RBM6: variants seen among roughly 807,000 people sequenced by gnomAD.
RBM6 encodes the protein RNA binding motif protein 6.
In RBM6, 23 loss-of-function variants were observed where a neutral mutation model predicts 140.4. The ratio of observed to expected loss-of-function variants is 0.16; its 90% confidence interval spans 0.12 to 0.23. RBM6 has a LOEUF of 0.23. Among genes scored for constraint, RBM6 ranks in the 10% least tolerant of loss-of-function variants. The pLI, the probability that RBM6 is intolerant of heterozygous loss-of-function variation, is 1.00. For missense variants in RBM6, 1,139 were observed against 1,386.7 expected (o/e 0.82, Z 2.84); for synonymous variants, 439 against 475.6 (o/e 0.92, Z 1.00).
chr3:50,057,587 CAAAAAAAAA>C (rs4030422), intron 8 of RBM6, 132 bp from the exon 9 acceptor site: 20 of 219,196 alleles, frequency 9.1e-5, no homozygotes, highest in African/African-American at 7.4e-4. Context: ...AACTCCGTCT[CAAAAAAAAA>C]AAAAAAAAAA....
intron 3 of RBM6, among the ~76,000 whole-genome samples, chr3:49,970,968 A>G (rs2084762472): frequency 6.6e-6 from 1 of 152,012 alleles, no homozygotes; most frequent in Non-Finnish European, 1.5e-5. Context: ...CATCTCTACT[A>G]AAAATAACAA....
chr3:50,020,178 G>T (rs1289776878), intron 6 of RBM6, among the ~76,000 whole-genome samples: 1 of 152,040 alleles, frequency 6.6e-6, no homozygotes, highest in African/African-American at 2.4e-5. Flanking sequence ...CTTCACCTTG[G>T]CCTCCCAATT....
intron 1 of RBM6, among the ~76,000 whole-genome samples, chr3:49,947,395 A>G (rs1038008750): frequency 1.3e-5 from 2 of 151,676 alleles, no homozygotes; most frequent in African/African-American, 4.8e-5. Flanking sequence ...GCACCACTGG[A>G]CTCTACCCTG....
intron 6 of RBM6, among the ~76,000 whole-genome samples, chr3:50,029,736 A>AAAT (rs1205053881): frequency 3.9e-5 from 6 of 152,194 alleles, no homozygotes; most frequent in East Asian, 1.9e-4. Flanking sequence ...CTGTCTCAAA[A>AAAT]AATAATAATA....
chr3:50,064,859 A>C (rs1021718139), intron 15 of RBM6, among the ~76,000 whole-genome samples, 172 bp from the exon 16 acceptor site: 7 of 152,138 alleles, frequency 4.6e-5, no homozygotes, highest in Non-Finnish European at 7.4e-5. Context: ...TTTTTAGTAG[A>C]GATGGAGTTT....
At position 49,968,113 on chromosome 3, in the gene RBM6, G is replaced by A. The variant is rs761460275; in HGVS notation, c.688G>A (p.Gly230Arg). 1.4e-5 allele frequency: 22 copies of A among 1,614,132 alleles called. No individual in the cohort carries two copies. The highest frequency in any genetic ancestry group is 1.8e-5 in the Non-Finnish European group (21 of 1,180,030). The stretch of plus-strand genomic sequence containing the variant: ...TGATTTGGACTTTAGAGACAAAGAC[G>A]GAACACAAGTAGACTTTAGAGGCCG... ...VSDLDFRDKD[G>R]TQVDFRGRGS... Residue 230 changes from glycine (G) to arginine (R), a missense_variant, in exon 3 of 21, where the codon GGA becomes AGA. By Grantham distance (125) the Gly-to-Arg change is moderately radical. Transcript: ENST00000266022.
intron 3 of RBM6, 105 bp from the exon 4 acceptor site, chr3:49,971,954 G>A: frequency 1.2e-6 from 1 of 803,208 alleles, no homozygotes; most frequent in South Asian, 1.6e-5. Flanking sequence ...ATCTTCACGT[G>A]ACATGTCATT....
At chr3:50,013,536 C>T (rs549169876) in intron 6 of RBM6, among the ~76,000 whole-genome samples, 89 of 152,182 alleles carry the variant, frequency 5.8e-4, no homozygotes, top group Non-Finnish European at 1.0e-3. Flanking sequence ...GGCATGGTGG[C>T]ACATGTCTGT....
intron 6 of RBM6, among the ~76,000 whole-genome samples, chr3:50,035,498 C>T (rs547185673): frequency 1.3e-4 from 20 of 151,900 alleles, no homozygotes; most frequent in Non-Finnish European, 2.2e-4. Flanking sequence ...CTGGCTAATA[C>T]GGTGAAACCC....
intron 1 of RBM6, among the ~76,000 whole-genome samples, chr3:49,960,773 A>G (rs79790536): frequency 1.6e-3 from 246 of 152,262 alleles, no homozygotes; most frequent in Non-Finnish European, 2.3e-3. Flanking sequence ...CAGGTCTGAG[A>G]CAGTGGGGTT....
chr3:50,073,523 C>G (rs117404031), intron 19 of RBM6, among the ~76,000 whole-genome samples: 1 of 152,308 alleles, frequency 6.6e-6, no homozygotes, highest in East Asian at 1.9e-4. Flanking sequence ...TTTCACCTCT[C>G]AATACTGTTG....
chr3:49,962,869 G>T, intron 2 of RBM6, 184 bp downstream of exon 2: 1 of 491,586 alleles, frequency 2.0e-6, no homozygotes. Flanking sequence ...AGGCTGAGGC[G>T]GGCAGATCAT....
At chr3:50,022,663 A>T (rs2087563502) in intron 6 of RBM6, among the ~76,000 whole-genome samples, 1 of 152,084 alleles carries the variant, frequency 6.6e-6, no homozygotes, top group Non-Finnish European at 1.5e-5. Context: ...GGTTATTAGT[A>T]GGCAGAATAG....
chr3:50,019,061 G>T (rs1308718992), intron 6 of RBM6, among the ~76,000 whole-genome samples: 1 of 150,710 alleles, frequency 6.6e-6, no homozygotes, highest in East Asian at 1.9e-4. Context: ...TTTGAGACAA[G>T]GTCTTGCTCT....
intron 6 of RBM6, among the ~76,000 whole-genome samples, chr3:50,030,313 A>G (rs1444345129): frequency 7.8e-6 from 1 of 127,616 alleles, no homozygotes; most frequent in South Asian, 2.6e-4. Flanking sequence ...AAAAAAAAAA[A>G]TGGTTGTACC....
chr3:49,979,062 A>G (rs1490952979), intron 5 of RBM6, among the ~76,000 whole-genome samples: 2 of 152,210 alleles, frequency 1.3e-5, no homozygotes, highest in Non-Finnish European at 2.9e-5. Flanking sequence ...ATGCTGAGTG[A>G]AAGAAACTAG....
At chr3:49,999,965 G>A (rs968251850) in intron 6 of RBM6, among the ~76,000 whole-genome samples, 3 of 152,014 alleles carry the variant, frequency 2.0e-5, no homozygotes, top group African/African-American at 7.3e-5. Flanking sequence ...GATCCTGCCT[G>A]CAGGGGCTAC....
intron 6 of RBM6, among the ~76,000 whole-genome samples, chr3:50,018,228 G>A (rs767434689): frequency 2.6e-5 from 4 of 152,050 alleles, no homozygotes; most frequent in Non-Finnish European, 4.4e-5. Context: ...TTTATTGTCC[G>A]TGTAGTTTTG....
chr3:50,067,186 CAAAAAAAAAA>C (rs751552449), intron 17 of RBM6, among the ~76,000 whole-genome samples: 1 of 19,556 alleles, frequency 5.1e-5, no homozygotes, highest in African/African-American at 1.5e-4. Context: ...GACTCTATCT[CAAAAAAAAAA>C]AAAAAAAAAA....
Sources: gnomAD v4.1 joint callset for allele counts (sites outside exome capture counted in the v4.1 genomes callset) on GRCh38, gnomAD v4.1.1 for gene constraint, MANE v1.5 for transcripts, NCBI Gene and HGNC (gene_info 2026-07-23, HGNC 2026-07-21) for gene names.